TMEM74: variants seen among roughly 807,000 people sequenced by gnomAD.
The protein encoded by TMEM74 is transmembrane protein 74.
TMEM74 carries 13 observed loss-of-function variants against 18.1 expected under a neutral mutation model. The observed-to-expected ratio is 0.72, with a 90% CI of 0.47 to 1.14. TMEM74 has a LOEUF of 1.14. Ranked by LOEUF, TMEM74 falls within the 50% of genes most tolerant of loss-of-function variation. The pLI, the probability that TMEM74 is intolerant of heterozygous loss-of-function variation, is 0.00. For synonymous variants in TMEM74, 159 were observed against 146.6 expected (o/e 1.08, Z -0.61); for missense variants, 372 against 375.9 (o/e 0.99, Z 0.09).
chr8:108,744,491 A>G lies in TMEM74; in HGVS notation n.119+42985T>C, dbSNP rs72675037. Among the ~76,000 whole-genome samples, 717 of 152,286 alleles carry G rather than the reference A, an allele frequency of 4.7e-3. 2 individuals are homozygous for G. In the Middle Eastern group the frequency reaches 0.068, roughly 14 times the overall value. ...CTTAAAGGGGGAAAGGCAGGTATGA[A>G]GAAGGGCAGGTAGGGTGGTAAAGTG... On this transcript the variant is annotated intron_variant and non_coding_transcript_variant, in intron 1 of 3. Transcript: ENST00000518838.
At chr8:108,643,356 A>G (rs2130563788) in intron 2 of TMEM74, among the ~76,000 whole-genome samples, 1 of 152,322 alleles carries the variant, frequency 6.6e-6, no homozygotes, top group South Asian at 2.1e-4. Context: ...CTTAGACTAA[A>G]GGAGTGTTAG....
At chr8:108,724,172 T>C (rs1372479706) in intron 1 of TMEM74, among the ~76,000 whole-genome samples, 1 of 152,216 alleles carries the variant, frequency 6.6e-6, no homozygotes, top group Non-Finnish European at 1.5e-5. Context: ...TCAATTATCC[T>C]ATTTTCTCAA....
intron 2 of TMEM74, among the ~76,000 whole-genome samples, chr8:108,616,169 G>A (rs1431726585): frequency 1.3e-5 from 2 of 152,158 alleles, no homozygotes; most frequent in African/African-American, 4.8e-5. Flanking sequence ...GAGTGCTCAT[G>A]GCAGAGGGCC....
At chr8:108,705,745 A>T (rs1265534597) in intron 1 of TMEM74, among the ~76,000 whole-genome samples, 1 of 152,206 alleles carries the variant, frequency 6.6e-6, no homozygotes, top group African/African-American at 2.4e-5. Flanking sequence ...CATAACACAC[A>T]TGAGTTGTAT....
chr8:108,650,994 A>G (rs1034846958), intron 2 of TMEM74, among the ~76,000 whole-genome samples: 7 of 152,102 alleles, frequency 4.6e-5, no homozygotes, highest in African/African-American at 1.7e-4. Context: ...TACAGGCGTG[A>G]GCCACCACAC....
At position 108,626,764 on chromosome 8, in the gene TMEM74, C is replaced by T. The variant is rs1812498342; in HGVS notation, n.265-17938G>A. ...AAAATTCAATGTTTTCTTGCTAGAC[C>T]CTATCTGTCTATCTATATATACAAC... On this transcript the variant is annotated intron_variant and non_coding_transcript_variant, in intron 2 of 3. Coordinates refer to the TMEM74 transcript ENST00000518838. 2.0e-5 allele frequency: 3 copies of T among 151,936 alleles called. No homozygotes were observed. In the South Asian group the frequency reaches 6.2e-4, roughly 32 times the overall value. 9.4% of individuals were successfully genotyped at this position (151,936 alleles called of 1,614,324 possible).
intron 2 of TMEM74, among the ~76,000 whole-genome samples, chr8:108,629,879 C>T (rs951659509): frequency 5.9e-5 from 9 of 152,080 alleles, no homozygotes; most frequent in African/African-American, 2.2e-4. Flanking sequence ...ACTGCAAAAA[C>T]ACACCAAAAT....
chr8:108,671,553 G>T lies in TMEM74; in HGVS notation n.120-16116C>A, dbSNP rs769068419. On this transcript the variant is annotated intron_variant and non_coding_transcript_variant, in intron 1 of 3. Transcript: ENST00000518838. The stretch of plus-strand genomic sequence containing the variant: ...TCAGGAAGCTCTCTTAGCTGAGTTG[G>T]TTCTCCGAAAATGTTGAGTCCTGTT... 2.0e-5 allele frequency among the ~76,000 whole-genome samples: 3 copies of T among 152,148 alleles called. No individual in the cohort carries two copies. In the East Asian group the frequency reaches 5.8e-4, roughly 29 times the overall value.
chr8:108,669,547 ACT>A (rs1260920761), intron 1 of TMEM74, among the ~76,000 whole-genome samples: 2 of 152,130 alleles, frequency 1.3e-5, no homozygotes, highest in Admixed American at 6.6e-5. Context: ...ATAACTGGTG[ACT>A]CTGAGCAGAT....
chr8:108,691,976 G>A lies in TMEM74; in HGVS notation n.120-36539C>T, dbSNP rs568614354. On this transcript the variant is annotated intron_variant and non_coding_transcript_variant, in intron 1 of 3. Coordinates refer to the TMEM74 transcript ENST00000518838. ...ATAAGAGAGAGGGAGAGGAATATACGTTGAGTGAATGTTCAAATAATGTTC... is the reference window on the plus strand; with the variant it reads ...ATAAGAGAGAGGGAGAGGAATATACATTGAGTGAATGTTCAAATAATGTTC... 8.6e-4 allele frequency among the ~76,000 whole-genome samples: 131 copies of A among 152,182 alleles called. 1 individual carries two copies. Among genetic ancestry groups the A allele is most frequent in the African/African-American group, 2.9e-3 (122 of 41,532 alleles).
At chr8:108,645,948 GTAT>G (rs1324983398) in intron 2 of TMEM74, among the ~76,000 whole-genome samples, 2 of 152,082 alleles carry the variant, frequency 1.3e-5, no homozygotes, top group Admixed American at 6.6e-5. Flanking sequence ...TAATGAATAA[GTAT>G]TATTTCCTAC....
intron 1 of TMEM74, among the ~76,000 whole-genome samples, chr8:108,656,927 A>G (rs1812826228): frequency 6.6e-6 from 1 of 152,104 alleles, no homozygotes; most frequent in Non-Finnish European, 1.5e-5. Context: ...TTCTGGTAAA[A>G]ATTTTTTCCA....
intron 1 of TMEM74, among the ~76,000 whole-genome samples, chr8:108,686,681 A>G (rs1041426559): frequency 2.1e-5 from 1 of 46,574 alleles, no homozygotes; most frequent in Non-Finnish European, 4.0e-5. Context: ...CATTTGTAGA[A>G]AAAAAAAAAA....
At chr8:108,753,085 A>G (rs1225410922) in intron 1 of TMEM74, among the ~76,000 whole-genome samples, 3 of 152,074 alleles carry the variant, frequency 2.0e-5, no homozygotes, top group Admixed American at 1.3e-4. Context: ...TTTCTGAAAC[A>G]ATCTTTTGAA....
At chr8:108,732,024 T>C (rs1243098473) in intron 1 of TMEM74, among the ~76,000 whole-genome samples, 2 of 152,192 alleles carry the variant, frequency 1.3e-5, no homozygotes, top group Admixed American at 6.5e-5. Context: ...TGTTTCATCC[T>C]TTTCTTTCAG....
At chr8:108,650,566 T>C (rs1812763412) in intron 2 of TMEM74, among the ~76,000 whole-genome samples, 1 of 152,234 alleles carries the variant, frequency 6.6e-6, no homozygotes, top group African/African-American at 2.4e-5. Context: ...TTGACTATGT[T>C]GGCCTTGTTT....
At chr8:108,753,910 T>G (rs899636483) in intron 1 of TMEM74, among the ~76,000 whole-genome samples, 2 of 152,108 alleles carry the variant, frequency 1.3e-5, no homozygotes, top group Non-Finnish European at 2.9e-5. Context: ...TGTACCTCAC[T>G]TTATTACTTT....
intron 2 of TMEM74, among the ~76,000 whole-genome samples, chr8:108,639,715 A>G (rs1032160531): frequency 2.6e-5 from 4 of 152,220 alleles, no homozygotes; most frequent in Admixed American, 2.0e-4. Context: ...CTCCAGTCAT[A>G]ATGACAATTA....
chr8:108,645,441 C>G lies in TMEM74; in HGVS notation n.264+9852G>C, dbSNP rs887819312. Among the ~76,000 whole-genome samples the G allele has an allele frequency of 5.3e-5, 8 of 152,030 alleles. No homozygotes were observed. The South Asian group carries it at 1.7e-3, about 32-fold the overall frequency. On this transcript the variant is annotated intron_variant and non_coding_transcript_variant, in intron 2 of 3. Coordinates refer to the TMEM74 transcript ENST00000518838. ...TGATGGGATCAGTCACACCCTAAAC[C>G]TCAGCATCATGCAATATACTAGTTG... is the stretch of plus-strand genomic sequence containing the variant.
Sources: gnomAD v4.1 joint callset for allele counts (sites outside exome capture counted in the v4.1 genomes callset) on GRCh38, gnomAD v4.1.1 for gene constraint, MANE v1.5 for transcripts, NCBI Gene and HGNC (gene_info 2026-07-23, HGNC 2026-07-21) for gene names.